The following WDPCP variants were observed in gnomAD, a reference collection of about 807,000 sequenced individuals.
WDPCP encodes WD repeat containing planar cell polarity effector.
In WDPCP, 71 loss-of-function variants were observed where a neutral mutation model predicts 93.1. The ratio of observed to expected loss-of-function variants is 0.76; its 90% CI spans 0.63 to 0.93. WDPCP has a LOEUF of 0.93. Among genes scored for constraint, WDPCP ranks in the 40% least tolerant of loss-of-function variants. The probability of loss-of-function intolerance (pLI) is 0.00; values close to 1 mark genes in which losing one functional copy is unlikely to be tolerated. For missense variants in WDPCP, 844 were observed against 887.4 expected (o/e 0.95, Z 0.62); for synonymous variants, 315 against 315.0 (o/e 1.00, Z 0.00).
chr2:63,214,845 C>T (rs985075761), intron 14 of WDPCP, among the ~76,000 whole-genome samples: 2 of 152,110 alleles, frequency 1.3e-5, no homozygotes, highest in African/African-American at 4.8e-5. Flanking sequence ...AAACAGAGAG[C>T]CAAATCATGA....
intron 6 of WDPCP, among the ~76,000 whole-genome samples, chr2:63,461,084 AAGGGCATTTT>A (rs1206067354): frequency 6.6e-6 from 1 of 152,186 alleles, no homozygotes; most frequent in African/African-American, 2.4e-5. Flanking sequence ...AGGGGAAGCA[AAGGGCATTTT>A]AGGCAGAGCT....
At chr2:63,303,498 G>C (rs567049365) in intron 13 of WDPCP, among the ~76,000 whole-genome samples, 2 of 152,276 alleles carry the variant, frequency 1.3e-5, no homozygotes, top group South Asian at 4.2e-4. Flanking sequence ...TTGTACCTCT[G>C]TAGGTCAAGT....
chr2:63,581,097 G>C (rs1009607789), intron 1 of WDPCP, among the ~76,000 whole-genome samples: 4 of 152,120 alleles, frequency 2.6e-5, no homozygotes, highest in Non-Finnish European at 5.9e-5. Context: ...TTGTAAGAGA[G>C]AGCACTTCTC....
rs191259843 is a variant in WDPCP at position 63,435,424 on chromosome 2, C to T, written c.634-1488G>A. ...TTAAGTGTAATTTCTTATATTTAAG[C>T]TCTCAATATCATTAAGTCTTCTTAT... On this transcript the variant is annotated intron_variant, in intron 8 of 17. Transcript: ENST00000272321. 2.9e-3 allele frequency among the ~76,000 whole-genome samples: 439 copies of T among 152,226 alleles called. 3 individuals carry two copies. Among genetic ancestry groups the T allele is most frequent in the Admixed American group, 6.4e-3 (97 of 15,272 alleles).
chr2:63,193,213 G>T (rs1675173391), intron 14 of WDPCP, among the ~76,000 whole-genome samples: 1 of 152,168 alleles, frequency 6.6e-6, no homozygotes, highest in Non-Finnish European at 1.5e-5. Flanking sequence ...ACAATTTACG[G>T]AACCCCCAAA....
chr2:63,520,474 A>C (rs953475612), intron 1 of WDPCP, among the ~76,000 whole-genome samples: 5 of 152,232 alleles, frequency 3.3e-5, no homozygotes, highest in Admixed American at 3.3e-4. Context: ...AAAAATGTTA[A>C]AGGCAGCTAG....
At chr2:63,583,686 A>G (rs1337451463) in intron 1 of WDPCP, among the ~76,000 whole-genome samples, 1 of 152,150 alleles carries the variant, frequency 6.6e-6, no homozygotes, top group African/African-American at 2.4e-5. Flanking sequence ...TTTCAAAAAA[A>G]AAAAAAAGAA....
chr2:63,752,479 G>C, intron 2 of WDPCP: 2 of 780,452 alleles, frequency 2.6e-6, no homozygotes, highest in Non-Finnish European at 4.5e-6. Context: ...AGCCCCTGGA[G>C]CGCTTGGTGT....
chr2:63,247,034 A>T (rs1680332534), intron 14 of WDPCP, among the ~76,000 whole-genome samples: 1 of 152,224 alleles, frequency 6.6e-6, no homozygotes, highest in Admixed American at 6.6e-5. Context: ...ATGTCAGTTT[A>T]TAAAACCAAA....
At chr2:63,597,405 T>C in intron 3 of WDPCP, 3 of 1,428,794 alleles carry the variant, frequency 2.1e-6, no homozygotes, top group Non-Finnish European at 2.8e-6. Flanking sequence ...ACAGATGTCA[T>C]CGCAACAGAT....
intron 16 of WDPCP, chr2:63,153,161 T>A (rs1231980177): frequency 1.7e-6 from 1 of 591,080 alleles, no homozygotes; most frequent in Non-Finnish European, 3.0e-6. Context: ...CAGTATTTAC[T>A]ATGTACAGTA....
chr2:63,616,681 T>G (rs1161026713), intron 3 of WDPCP, among the ~76,000 whole-genome samples: 1 of 152,130 alleles, frequency 6.6e-6, no homozygotes, highest in Non-Finnish European at 1.5e-5. Flanking sequence ...CCTCCTATAT[T>G]AGAATGCAAA....
At chr2:63,487,823 G>C (rs747811480) in intron 2 of WDPCP, among the ~76,000 whole-genome samples, 1 of 152,044 alleles carries the variant, frequency 6.6e-6, no homozygotes, top group Non-Finnish European at 1.5e-5. Context: ...TCTACCAAAA[G>C]GAACTGCCAC....
At chr2:63,186,257 C>T (rs1010976488) in intron 14 of WDPCP, among the ~76,000 whole-genome samples, 5 of 152,206 alleles carry the variant, frequency 3.3e-5, no homozygotes, top group Admixed American at 2.0e-4. Context: ...TAGCAAATCT[C>T]CTCCCTCTCT....
chr2:63,665,211 C>G (rs1710268815), intron 2 of WDPCP, among the ~76,000 whole-genome samples: 1 of 152,128 alleles, frequency 6.6e-6, no homozygotes, highest in Non-Finnish European at 1.5e-5. Context: ...TCATGGTTCT[C>G]AAGGTTAGAA....
At chr2:63,480,136 A>G (rs1425688029) in intron 6 of WDPCP, among the ~76,000 whole-genome samples, 1 of 152,118 alleles carries the variant, frequency 6.6e-6, no homozygotes, top group Admixed American at 6.6e-5. Context: ...CCCTTTTACA[A>G]TAGCTGCAAA....
At chr2:63,225,888 C>A (rs1426073658) in intron 14 of WDPCP, among the ~76,000 whole-genome samples, 1 of 151,720 alleles carries the variant, frequency 6.6e-6, no homozygotes, top group Non-Finnish European at 1.5e-5. Flanking sequence ...AACTTTAATC[C>A]TTTGCAGTAT....
At chr2:63,742,220 G>A (rs770870009) in intron 2 of WDPCP, among the ~76,000 whole-genome samples, 16 of 151,490 alleles carry the variant, frequency 1.1e-4, no homozygotes, top group Non-Finnish European at 1.9e-4. Flanking sequence ...AAGATAAAAT[G>A]GAAAGAAAGA....
At chr2:63,627,979 AAG>A (rs1336761758) in intron 3 of WDPCP, among the ~76,000 whole-genome samples, 3 of 152,128 alleles carry the variant, frequency 2.0e-5, no homozygotes, top group African/African-American at 7.2e-5. Flanking sequence ...GCAAAACTAA[AAG>A]AGCGCACTGT....
Sources: gnomAD v4.1 joint callset for allele counts (sites outside exome capture counted in the v4.1 genomes callset) on GRCh38, gnomAD v4.1.1 for gene constraint, MANE v1.5 for transcripts, NCBI Gene and HGNC (gene_info 2026-07-23, HGNC 2026-07-21) for gene names.